Variants in RGS7 observed in about 807,000 individuals in gnomAD.
RGS7 encodes the protein regulator of G protein signaling 7, also known as regulator of G-protein signaling 7.
RGS7 carries 27 observed loss-of-function variants against 81.1 expected under a neutral mutation model. That is an observed-to-expected ratio of 0.33 (90% CI 0.25 to 0.46). The LOEUF is 0.46. Ranked by LOEUF, RGS7 falls within the 20% of genes least tolerant of loss-of-function variation. The probability of loss-of-function intolerance (pLI) is 1.00; values close to 1 mark genes in which losing one functional copy is unlikely to be tolerated. For synonymous variants in RGS7, 208 were observed against 207.7 expected, an observed-to-expected ratio of 1.00 and a Z score of -0.01; for missense variants, 396 against 607.4, an observed-to-expected ratio of 0.65 and a Z score of 3.66.
intron 2 of RGS7, among the ~76,000 whole-genome samples, chr1:241,194,672 T>G (rs1182941596): frequency 5.3e-5 from 8 of 152,210 alleles, no homozygotes; most frequent in African/African-American, 1.2e-4. Context: ...AATTTCCTAC[T>G]GAAAATAACT....
intron 6 of RGS7, among the ~76,000 whole-genome samples, chr1:240,915,597 A>C (rs904733740): frequency 2.0e-5 from 3 of 152,200 alleles, no homozygotes; most frequent in African/African-American, 7.2e-5. Flanking sequence ...AACAGTAAAC[A>C]CAGCTCAATT....
intron 3 of RGS7, among the ~76,000 whole-genome samples, chr1:241,096,469 C>A (rs1010419691): frequency 2.0e-5 from 3 of 151,858 alleles, no homozygotes; most frequent in African/African-American, 7.3e-5. Flanking sequence ...ACCTACGAGG[C>A]AGAGCACGCC....
intron 3 of RGS7, among the ~76,000 whole-genome samples, chr1:240,998,190 C>T (rs570884228): frequency 6.6e-6 from 1 of 152,110 alleles, no homozygotes; most frequent in South Asian, 2.1e-4. Context: ...AATCATTTTT[C>T]TCTTCTAGTT....
chr1:240,834,677 ATTT>A (rs547579514), intron 9 of RGS7, among the ~76,000 whole-genome samples: 1 of 151,542 alleles, frequency 6.6e-6, no homozygotes, highest in Non-Finnish European at 1.5e-5. Flanking sequence ...CGCCCAGCTA[ATTT>A]TTTTGTATTT....
intron 2 of RGS7, among the ~76,000 whole-genome samples, chr1:241,126,148 A>T (rs137862098): frequency 3.2e-3 from 469 of 146,512 alleles, no homozygotes; most frequent in African/African-American, 0.011. Flanking sequence ...TTATTTATTT[A>T]TTATTATTAT....
intron 3 of RGS7, among the ~76,000 whole-genome samples, chr1:241,078,480 A>T (rs2062953337): frequency 1.3e-5 from 1 of 76,418 alleles, no homozygotes. Flanking sequence ...ACACACACGT[A>T]AGTTATGTGT....
At chr1:240,883,447 C>T (rs371944713) in intron 6 of RGS7, among the ~76,000 whole-genome samples, 51 of 152,266 alleles carry the variant, frequency 3.3e-4, no homozygotes, top group African/African-American at 1.0e-3. Flanking sequence ...TAAGGTGTGA[C>T]GGATACTCTC....
intron 2 of RGS7, among the ~76,000 whole-genome samples, chr1:241,217,516 C>G (rs1411954932): frequency 6.6e-6 from 1 of 152,152 alleles, no homozygotes; most frequent in Non-Finnish European, 1.5e-5. Flanking sequence ...AAATTTCCCT[C>G]AATTAAAACC....
intron 9 of RGS7, among the ~76,000 whole-genome samples, chr1:240,844,762 G>A (rs1045584340): frequency 2.0e-5 from 3 of 152,200 alleles, no homozygotes; most frequent in African/African-American, 4.8e-5. Context: ...CAGAAATGCT[G>A]TTCCATTTTC....
chr1:241,208,292 G>C (rs12037365), intron 2 of RGS7, among the ~76,000 whole-genome samples: 19,023 of 152,138 alleles, frequency 0.13, 1,287 homozygotes, highest in East Asian at 0.24. Flanking sequence ...GAGTCTCATG[G>C]CCATGTCTAA....
chr1:241,147,381 T>C (rs1488701832), intron 2 of RGS7, among the ~76,000 whole-genome samples: 2 of 152,204 alleles, frequency 1.3e-5, no homozygotes, highest in African/African-American at 2.4e-5. Context: ...TTCACCACCA[T>C]TACAGTTTGC....
At chr1:241,347,450 G>A (rs2082971113) in intron 2 of RGS7, among the ~76,000 whole-genome samples, 1 of 152,260 alleles carries the variant, frequency 6.6e-6, no homozygotes, top group South Asian at 2.1e-4. Context: ...GACAAGAGAA[G>A]AGAGATTATA....
At chr1:241,333,460 T>C (rs1398945586) in intron 2 of RGS7, among the ~76,000 whole-genome samples, 1 of 152,242 alleles carries the variant, frequency 6.6e-6, no homozygotes, top group Non-Finnish European at 1.5e-5. Context: ...GGACAAGAAC[T>C]ACTTTGTGAG....
intron 14 of RGS7, among the ~76,000 whole-genome samples, chr1:240,808,814 G>T (rs990011850): frequency 6.6e-6 from 1 of 151,902 alleles, no homozygotes; most frequent in Non-Finnish European, 1.5e-5. Context: ...TTTCAAGGCT[G>T]CTATGAGCTA....
At chr1:241,180,006 G>T (rs1558160708) in intron 2 of RGS7, among the ~76,000 whole-genome samples, 1 of 152,130 alleles carries the variant, frequency 6.6e-6, no homozygotes, top group East Asian at 1.9e-4. Context: ...ATGTTATGAG[G>T]TTCTATAGAA....
intron 3 of RGS7, among the ~76,000 whole-genome samples, chr1:241,066,256 C>G (rs978481559): frequency 6.6e-6 from 1 of 152,118 alleles, no homozygotes; most frequent in Non-Finnish European, 1.5e-5. Flanking sequence ...GATGAGCAAT[C>G]AGAAATGTGT....
rs190706955 is a variant in RGS7, at chr1:240,966,611, T to G, written c.226+16468A>C. On this transcript the variant is annotated intron_variant, in intron 4 of 18. Transcript: ENST00000440928. ...TTCTATGGAATAAAAGCAGCCTGTT[T>G]AGGCTGATTCAGAACCTGTAGAACA... is the stretch of plus-strand genomic sequence containing the variant. Among the ~76,000 whole-genome samples the G allele has an allele frequency of 1.7e-4, 26 of 152,316 alleles. No individual in the cohort carries two copies. The Middle Eastern group carries it at 0.014, about 80-fold the overall frequency.
chr1:240,793,584 G>C (rs1485868924), intron 18 of RGS7, among the ~76,000 whole-genome samples: 1 of 102,974 alleles, frequency 9.7e-6, no homozygotes, highest in Admixed American at 9.8e-5. Context: ...AGGTGTAGTA[G>C]GAATATATAT....
chr1:240,976,707 G>C (rs1202383334), intron 4 of RGS7, among the ~76,000 whole-genome samples: 1 of 151,580 alleles, frequency 6.6e-6, no homozygotes, highest in Admixed American at 6.6e-5. Context: ...AAAATTGTGT[G>C]AGCAAATTCC....
Sources: gnomAD v4.1 joint callset for allele counts (sites outside exome capture counted in the v4.1 genomes callset) on GRCh38, gnomAD v4.1.1 for gene constraint, MANE v1.5 for transcripts, NCBI Gene and HGNC (gene_info 2026-07-23, HGNC 2026-07-21) for gene names.